Variants in RFX3 observed in about 807,000 individuals in gnomAD.
The protein encoded by RFX3 is transcription factor RFX3.
A neutral mutation model predicts 98.6 loss-of-function variants in RFX3; 14 were observed. That is an observed-to-expected ratio of 0.14 (90% CI 0.09 to 0.22). The LOEUF (loss-of-function observed/expected upper bound fraction) is 0.22. RFX3 is among the 10% of genes least tolerant of loss of function. The pLI is 1.00. For missense variants in RFX3, 639 were observed against 926.9 expected, an observed-to-expected ratio of 0.69 and a Z score of 4.03; for synonymous variants, 383 against 328.4, an observed-to-expected ratio of 1.17 and a Z score of -1.80.
chr9:3,432,840 G>C (rs1406920294), intron 1 of RFX3, among the ~76,000 whole-genome samples: 3 of 152,094 alleles, frequency 2.0e-5, no homozygotes, highest in Non-Finnish European at 4.4e-5. Flanking sequence ...CTATGACATG[G>C]GCGCTAAAAC....
In RFX3 at chr9:3,477,142, C is replaced by CA. The variant is rs549677942; in HGVS notation, c.-9+48604dup. On this transcript the variant is annotated intron_variant, in intron 1 of 16. Coordinates refer to ENST00000617270, the MANE Select transcript of RFX3 (RefSeq NM_001282116.2). ...TTACTTTTATAAACACTTCTCCAGACAGCAAAGTATAATTCCAATACAGAA... is the reference window on the plus strand; with the variant it reads ...TTACTTTTATAAACACTTCTCCAGACAAGCAAAGTATAATTCCAATACAGAA... Among the ~76,000 whole-genome samples, 29 of 152,222 alleles carry CA rather than the reference C, an allele frequency of 1.9e-4. No individual in the cohort carries two copies. In the East Asian group the frequency reaches 5.2e-3, roughly 27 times the overall value.
chr9:3,396,425 T>A (rs1014084690), intron 1 of RFX3, among the ~76,000 whole-genome samples: 1 of 152,222 alleles, frequency 6.6e-6, no homozygotes, highest in African/African-American at 2.4e-5. Flanking sequence ...CACATTTTCT[T>A]AATCCAGTCT....
At chr9:3,226,288 A>C (rs1817760788) in intron 16 of RFX3, among the ~76,000 whole-genome samples, 1 of 152,198 alleles carries the variant, frequency 6.6e-6, no homozygotes, top group South Asian at 2.1e-4. Context: ...TAAGATTTTA[A>C]CTTTACCACT....
chr9:3,442,498 C>T (rs980146738), intron 1 of RFX3, among the ~76,000 whole-genome samples: 1 of 152,066 alleles, frequency 6.6e-6, no homozygotes, highest in African/African-American at 2.4e-5. Flanking sequence ...TAAGGAGACA[C>T]AAAAACTAAA....
At chr9:3,462,561 T>G (rs2133077525) in intron 1 of RFX3, among the ~76,000 whole-genome samples, 1 of 152,176 alleles carries the variant, frequency 6.6e-6, no homozygotes, top group East Asian at 1.9e-4. Context: ...GAAAGATTAA[T>G]GAAAGGCACA....
chr9:3,223,523 C>A lies in RFX3; in HGVS notation c.*1519G>T, dbSNP rs1190055792. 1.3e-5 allele frequency: 2 copies of A among 152,174 alleles called. No individual in the cohort carries two copies. The highest frequency in any genetic ancestry group is 3.8e-4 in the East Asian group (2 of 5,200). 9.4% of individuals were successfully genotyped at this position (152,174 alleles called of 1,614,324 possible). On this transcript the variant is annotated 3_prime_UTR_variant, in exon 17 of 17. Coordinates refer to ENST00000617270, the MANE Select transcript of RFX3 (RefSeq NM_001282116.2). ...TAAAACATATATGATTTTATGTTAA[C>A]AAGTTGGTATTAAAACTAGCCTGCT...
rs370801268 is a variant in RFX3, at chr9:3,330,481, C to T, written c.252G>A (p.Met84Ile). 3.5e-5 allele frequency: 57 copies of T among 1,613,942 alleles called. No homozygotes were observed. The highest frequency in any genetic ancestry group is 1.6e-4 in the Middle Eastern group (1 of 6,062). The change falls in exon 4 of 17, where the codon ATG becomes ATA. Residue 84 changes from methionine to isoleucine, a missense_variant. This residue lies in a region of RFX3 where 210 missense variants were observed against 197.7 expected (regional missense o/e 1.06). Coordinates refer to ENST00000617270, the MANE Select transcript of RFX3 (RefSeq NM_001282116.2). ...TTTYPYTETQ[M>I]YSQNTGGNYF... Reference sequence around the variant, plus strand: ...AATTCCCTCCAGTATTTTGGCTGTACATCTGTGTCTCTGTGTAAGGATACG... The same window carrying T: ...AATTCCCTCCAGTATTTTGGCTGTATATCTGTGTCTCTGTGTAAGGATACG...
At chr9:3,416,342 T>A (rs888547435) in intron 1 of RFX3, among the ~76,000 whole-genome samples, 1 of 152,192 alleles carries the variant, frequency 6.6e-6, no homozygotes, top group Non-Finnish European at 1.5e-5. Context: ...CAAACAAGAT[T>A]ACTAGAGTTC....
At position 3,248,123 on chromosome 9, in the gene RFX3, A is replaced by G; in HGVS notation, c.1877T>C (p.Ile626Thr). 6.2e-7 allele frequency: 1 copy of G among 1,613,934 alleles called. No individual in the cohort carries two copies. Among genetic ancestry groups the G allele is most frequent in the Non-Finnish European group, 8.5e-7 (1 of 1,179,890 alleles). The change falls in exon 15 of 17, where the codon ATC (isoleucine) becomes ACC (threonine). Residue 626 changes from isoleucine to threonine, a missense_variant. Ile to Thr is a moderately conservative substitution (Grantham distance 89). Coordinates refer to ENST00000617270, the MANE Select transcript of RFX3 (RefSeq NM_001282116.2). ...SAASFGSFHL[I>T]RLLYDEYMFY... is the part of the protein sequence containing the mutation. Reference sequence around the variant, plus strand: ...CATATATTCGTCGTAGAGTAGACGGATCAGGTGGAAGGAGCCAAAGCTAGC... The same window carrying G: ...CATATATTCGTCGTAGAGTAGACGGGTCAGGTGGAAGGAGCCAAAGCTAGC...
At chr9:3,376,158 T>C (rs1838466054) in intron 2 of RFX3, among the ~76,000 whole-genome samples, 1 of 152,142 alleles carries the variant, frequency 6.6e-6, no homozygotes, top group South Asian at 2.1e-4. Context: ...CTCATTTGCA[T>C]GGCTAAAATT....
In RFX3 at chr9:3,294,903, T is replaced by C. The variant is rs373955085; in HGVS notation, c.550-1645A>G. On this transcript the variant is annotated intron_variant, in intron 5 of 16. Coordinates refer to ENST00000617270, the MANE Select transcript of RFX3 (RefSeq NM_001282116.2). ...TAAACATGCATAATACCTCTTAACA[T>C]ATACAAGGCTGACCTATAGAAGTTT... 2.6e-5 allele frequency among the ~76,000 whole-genome samples: 4 copies of C among 152,228 alleles called. No individual in the cohort carries two copies. In the East Asian group the frequency reaches 5.8e-4, roughly 22 times the overall value.
chr9:3,508,555 C>G lies in RFX3; in HGVS notation c.-9+17192G>C, dbSNP rs186450744. ...GATAAAGAATAAAAAAGAGGAACTT[C>G]TAGGCAAAAAATGCAAGAGCTAACT... On this transcript the variant is annotated intron_variant, in intron 1 of 16. Transcript: ENST00000617270. 2.3e-3 allele frequency among the ~76,000 whole-genome samples: 342 copies of G among 151,954 alleles called. 1 individual carries two copies. The highest frequency in any genetic ancestry group is 3.9e-3 in the Non-Finnish European group (268 of 67,860).
chr9:3,390,807 T>C (rs1840237671), intron 2 of RFX3, among the ~76,000 whole-genome samples: 1 of 152,138 alleles, frequency 6.6e-6, no homozygotes, highest in Admixed American at 6.5e-5. Context: ...ACATGAACTG[T>C]AAGTCCCTTA....
chr9:3,495,116 GTA>G (rs1031611347), intron 1 of RFX3, among the ~76,000 whole-genome samples: 7 of 150,510 alleles, frequency 4.7e-5, no homozygotes, highest in African/African-American at 7.3e-5. Flanking sequence ...TAATGTATAT[GTA>G]TATATATATA....
intron 7 of RFX3, among the ~76,000 whole-genome samples, chr9:3,286,472 G>C (rs555225175): frequency 2.0e-5 from 3 of 151,532 alleles, no homozygotes; most frequent in Non-Finnish European, 3.0e-5. Context: ...TTATATAATA[G>C]CCAACCTTGA....
chr9:3,336,175 G>A (rs920230003), intron 3 of RFX3, among the ~76,000 whole-genome samples: 3 of 152,100 alleles, frequency 2.0e-5, no homozygotes, highest in African/African-American at 7.2e-5. Flanking sequence ...ATAGAATATA[G>A]ATATGGTGAC....
At chr9:3,252,681 TAGGCCATGATA>T (rs1400673682) in intron 14 of RFX3, among the ~76,000 whole-genome samples, 1 of 152,146 alleles carries the variant, frequency 6.6e-6, no homozygotes, top group Non-Finnish European at 1.5e-5. Context: ...TAGGGTCTAG[TAGGCCATGATA>T]AGGCCTTTGG....
At chr9:3,400,151 GA>G in intron 1 of RFX3, 1 of 566,038 alleles carries the variant, frequency 1.8e-6, no homozygotes, top group East Asian at 1.4e-4. Context: ...TGAGTTAACT[GA>G]GGCCCAGAGA....
chr9:3,510,152 A>G (rs1468590361), intron 1 of RFX3, among the ~76,000 whole-genome samples: 1 of 152,026 alleles, frequency 6.6e-6, no homozygotes, highest in Non-Finnish European at 1.5e-5. Context: ...AGGGCCAGAC[A>G]TAGTAAACGG....
Sources: allele counts gnomAD v4.1 joint callset (sites outside exome capture counted in the v4.1 genomes callset), GRCh38; gene constraint gnomAD v4.1.1; regional missense constraint gnomAD v4.1.1; transcripts MANE v1.5; gene names NCBI Gene and HGNC (gene_info 2026-07-23, HGNC 2026-07-21).